FBXL3: variants seen among roughly 807,000 people sequenced by gnomAD.
FBXL3 encodes the protein F-box/LRR-repeat protein 3.
In FBXL3, 14 loss-of-function variants were observed where a neutral mutation model predicts 37.9. The observed-to-expected ratio is 0.37, with a 90% CI of 0.24 to 0.58. The LOEUF (loss-of-function observed/expected upper bound fraction) is 0.58. Among genes scored for constraint, FBXL3 ranks in the 20% least tolerant of loss-of-function variants. The pLI is 0.74. For missense variants in FBXL3, 327 were observed against 511.1 expected, an observed-to-expected ratio of 0.64 and a Z score of 3.47; for synonymous variants, 194 against 180.1, an observed-to-expected ratio of 1.08 and a Z score of -0.62.
At chr13:77,024,820 G>C (rs919019325) in intron 1 of FBXL3, among the ~76,000 whole-genome samples, 2 of 151,990 alleles carry the variant, frequency 1.3e-5, no homozygotes, top group African/African-American at 4.8e-5. Flanking sequence ...ATTGTCATAC[G>C]TAATATGTCT....
At chr13:77,009,474 C>G (rs540750987) in intron 4 of FBXL3, 1 of 152,214 alleles carries the variant, frequency 6.6e-6, no homozygotes, top group East Asian at 1.9e-4. Context: ...GTTACAGGCA[C>G]ACGCCACCAC....
rs1380001729 is a variant in FBXL3 at position 77,021,782 on chromosome 13, T to C, written c.79A>G (p.Thr27Ala). 1 of 1,613,820 alleles carries C rather than the reference T, an allele frequency of 6.2e-7. No homozygotes were observed. Residue 27 changes from threonine to alanine, a missense_variant, in exon 2 of 5, where the codon ACA becomes GCA. Coordinates refer to ENST00000355619, the MANE Select transcript of FBXL3 (RefSeq NM_012158.4). ...TCACAAGTCTGAGAATGCTCATTTG[T>C]AGTCCTCAGTTTCTTGGATTTCTCT... ...TAEKSKKLRT[T>A]NEHSQTCDWG...
chr13:77,006,952 A>T lies in FBXL3; in HGVS notation c.*193T>A. 1 of 1,405,828 alleles carries T rather than the reference A, an allele frequency of 7.1e-7. No individual in the cohort carries two copies. Among genetic ancestry groups the T allele is most frequent in the Non-Finnish European group, 9.2e-7 (1 of 1,084,682 alleles). The allele number at this position is 1,405,828 out of a possible 1,614,324, so 87.1% of individuals were successfully genotyped here. A position where few individuals can be genotyped will look rare whatever the true frequency, so the allele number is the denominator to read the frequency against. On this transcript the variant is annotated 3_prime_UTR_variant, in exon 5 of 5. Coordinates refer to ENST00000355619, the MANE Select transcript of FBXL3 (RefSeq NM_012158.4). ...AATTCGGAGATATGACTGCTATTAC[A>T]CTAAGGAAACAAGTGGAATTTTCTG...
chr13:77,021,882 G>GT, intron 1 of FBXL3, 21 bp from the exon 2 acceptor site: 2 of 1,551,064 alleles, frequency 1.3e-6, no homozygotes, highest in Non-Finnish European at 1.7e-6. Context: ...AAATGCATCA[G>GT]TTTTTTTCCT....
Position 77,027,023 on chromosome 13 carries a change from T to C in FBXL3, c.-198A>G, listed in dbSNP as rs1272497986. Reference sequence around the variant, plus strand: ...CAACGCGGCTCCACCTTTGCGGCTCTGGCTGCCCAGAAAGAAGCTTTCCTT... The same window carrying C: ...CAACGCGGCTCCACCTTTGCGGCTCCGGCTGCCCAGAAAGAAGCTTTCCTT... On this transcript the variant is annotated 5_prime_UTR_variant, in exon 1 of 5. Transcript: ENST00000355619. 3 of 151,980 alleles carry C rather than the reference T, an allele frequency of 2.0e-5. No homozygotes were observed. The highest frequency in any genetic ancestry group is 2.0e-4 in the Admixed American group (3 of 15,264). 9.4% of individuals were successfully genotyped at this position (151,980 alleles called of 1,614,324 possible).
chr13:77,016,204 T>C (rs1427912134), intron 3 of FBXL3: 1 of 152,234 alleles, frequency 6.6e-6, no homozygotes, highest in African/African-American at 2.4e-5. Flanking sequence ...TCATTCATCA[T>C]ATATGTATAT....
intron 1 of FBXL3, chr13:77,026,291 G>C (rs2034836632): frequency 2.0e-6 from 2 of 985,470 alleles, no homozygotes; most frequent in Non-Finnish European, 2.4e-6. Flanking sequence ...AGTTGACCAA[G>C]TTTTTCGCCT....
chr13:77,012,621 T>C (rs55853054), intron 4 of FBXL3, among the ~76,000 whole-genome samples: 10,471 of 152,070 alleles, frequency 0.069, 660 homozygotes, highest in African/African-American at 0.17. Context: ...TGAAAGAAAA[T>C]TGATTAAATG....
At chr13:77,018,396 A>G (rs1269119363) in intron 3 of FBXL3, 3 of 351,814 alleles carry the variant, frequency 8.5e-6, no homozygotes, top group Non-Finnish European at 1.5e-5. Flanking sequence ...TTCTTTAACC[A>G]TACCAATTTA....
chr13:77,005,800 G>A lies in FBXL3; in HGVS notation c.*1345C>T, dbSNP rs1447000518. 1 of 152,058 alleles carries A rather than the reference G, an allele frequency of 6.6e-6. No individual in the cohort carries two copies. Among genetic ancestry groups the A allele is most frequent in the African/African-American group, 2.4e-5 (1 of 41,484 alleles). 9.4% of individuals were successfully genotyped at this position (152,058 alleles called of 1,614,324 possible). A position where few individuals can be genotyped will look rare whatever the true frequency, so the allele number is the denominator to read the frequency against. ...TTTAAGAATTAATGTATTCCACCGGGGTTAAATCATTTCTGATTTCCCTCA... is the reference window on the plus strand; with the variant it reads ...TTTAAGAATTAATGTATTCCACCGGAGTTAAATCATTTCTGATTTCCCTCA... On this transcript the variant is annotated 3_prime_UTR_variant, in exon 5 of 5. Coordinates refer to ENST00000355619, the MANE Select transcript of FBXL3 (RefSeq NM_012158.4).
At chr13:77,009,336 T>C (rs2034505326) in intron 4 of FBXL3, 1 of 152,250 alleles carries the variant, frequency 6.6e-6, no homozygotes, top group African/African-American at 2.4e-5. Context: ...ATATACTTTA[T>C]TTTTGTTTTG....
chr13:77,011,637 C>T (rs1200185949), intron 4 of FBXL3, among the ~76,000 whole-genome samples: 6 of 149,662 alleles, frequency 4.0e-5, no homozygotes, highest in African/African-American at 7.4e-5. Flanking sequence ...GTGAGAAGAT[C>T]GTTTAAGCCC....
At position 77,021,865 on chromosome 13, in the gene FBXL3, T is replaced by C. The variant is rs1331359338; in HGVS notation, c.-1-4A>G. 1.3e-6 allele frequency: 2 copies of C among 1,578,386 alleles called. No individual in the cohort carries two copies. Among genetic ancestry groups the C allele is most frequent in the African/African-American group, 1.4e-5 (1 of 73,258 alleles). On this transcript the variant is annotated splice_region_variant and splice_polypyrimidine_tract_variant and intron_variant, in intron 1 of 4. Transcript: ENST00000355619. ...ATCTCTTCCTCCTCGTTTCATCCTA[T>C]TCCGAAAAATGCATCAGTTTTTTTC...
intron 1 of FBXL3, among the ~76,000 whole-genome samples, chr13:77,022,369 G>T (rs2034760652): frequency 6.6e-6 from 1 of 152,134 alleles, no homozygotes; most frequent in Non-Finnish European, 1.5e-5. Context: ...ACCAGAACTG[G>T]GCCCCATAGC....
intron 4 of FBXL3, among the ~76,000 whole-genome samples, chr13:77,011,547 C>T (rs909944315): frequency 2.0e-5 from 3 of 151,820 alleles, no homozygotes; most frequent in African/African-American, 7.3e-5. Context: ...CCAGGCAAAA[C>T]CCCATCTCTA....
At chr13:77,018,496 A>G (rs1204344841) in intron 3 of FBXL3, 104 bp downstream of exon 3, 2 of 758,030 alleles carry the variant, frequency 2.6e-6, no homozygotes, top group Admixed American at 3.5e-5. Context: ...TCCATTATGT[A>G]TATATATAAC....
chr13:77,026,390 C>G (rs1356584523), intron 1 of FBXL3: 2 of 984,982 alleles, frequency 2.0e-6, no homozygotes, highest in Non-Finnish European at 2.4e-6. Flanking sequence ...CCACCCTGGG[C>G]AGTTTGCTTT....
In FBXL3 at chr13:77,016,801, A is replaced by G. The variant is rs591576; in HGVS notation, c.472-1221T>C. ...CTGCCTCGGCTTCCCAAAGTACTCCAATTATAGCTGTGAGCTACCACACCC... is the reference window on the plus strand; with the variant it reads ...CTGCCTCGGCTTCCCAAAGTACTCCGATTATAGCTGTGAGCTACCACACCC... On this transcript the variant is annotated intron_variant, in intron 3 of 4. Coordinates refer to ENST00000355619, the MANE Select transcript of FBXL3 (RefSeq NM_012158.4). The G allele has an allele frequency of 0.85, 129,612 of 152,196 alleles. 55,608 individuals carry two copies. The highest frequency in any genetic ancestry group is 0.9 in the Middle Eastern group (266 of 294). The allele number at this position is 152,196 out of a possible 1,614,324, so 9.4% of individuals were successfully genotyped here.
chr13:77,006,697 A>G lies in FBXL3; in HGVS notation c.*448T>C, dbSNP rs826432. 2.0e-3 allele frequency: 932 copies of G among 477,042 alleles called. 8 individuals carry two copies. The highest frequency in any genetic ancestry group is 0.018 in the African/African-American group (854 of 47,448). The allele number at this position is 477,042 out of a possible 1,614,324, so 29.6% of individuals were successfully genotyped here. A position where few individuals can be genotyped will look rare whatever the true frequency, so the allele number is the denominator to read the frequency against. On this transcript the variant is annotated 3_prime_UTR_variant, in exon 5 of 5. Coordinates refer to ENST00000355619, the MANE Select transcript of FBXL3 (RefSeq NM_012158.4). ...ATATGATATATTCATTTTTCTCACA[A>G]AATGCTCACTTTCCTGAGCTATATT... is the stretch of plus-strand genomic sequence containing the variant.
Sources: gnomAD v4.1 joint callset for allele counts (sites outside exome capture counted in the v4.1 genomes callset) on GRCh38, gnomAD v4.1.1 for gene constraint, MANE v1.5 for transcripts, NCBI Gene and HGNC (gene_info 2026-07-23, HGNC 2026-07-21) for gene names.